The following PCDHGB7 variants were observed in gnomAD, a reference collection of about 807,000 sequenced individuals.
The protein encoded by PCDHGB7 is protocadherin gamma subfamily B, 7.
A neutral mutation model predicts 61.4 loss-of-function variants in PCDHGB7; 37 were observed. The ratio of observed to expected loss-of-function variants is 0.60; its 90% confidence interval spans 0.46 to 0.79. The LOEUF is 0.79. Ranked by LOEUF, PCDHGB7 falls within the 30% of genes least tolerant of loss-of-function variation. The pLI, the probability that PCDHGB7 is intolerant of heterozygous loss-of-function variation, is 0.00. For synonymous variants in PCDHGB7, 464 were observed against 503.5 expected (o/e 0.92, Z 1.05); for missense variants, 1,166 against 1,202.5 (o/e 0.97, Z 0.45).
At chr5:141,424,715 G>A (rs1299933373) in intron 1 of PCDHGB7, 1 of 152,132 alleles carries the variant, frequency 6.6e-6, no homozygotes, top group Admixed American at 6.6e-5. Flanking sequence ...TTTCAGTGTA[G>A]TTGGGAGTCA....
Position 141,477,447 on chromosome 5 carries a change from G to T in PCDHGB7, c.2416-17360G>T, listed in dbSNP as rs779097830. The T allele has an allele frequency of 6.2e-7, 1 of 1,614,098 alleles. No homozygotes were observed. Among genetic ancestry groups the T allele is most frequent in the Non-Finnish European group, 8.5e-7 (1 of 1,180,016 alleles). ...TCCCTCTCAGCCCTTACAATAGTGCGTGTTCAAGTGTCCGACATCAATGAC... is the reference window on the plus strand; with the variant it reads ...TCCCTCTCAGCCCTTACAATAGTGCTTGTTCAAGTGTCCGACATCAATGAC... On this transcript the variant is annotated intron_variant, in intron 1 of 3. Coordinates refer to ENST00000398594, the MANE Select transcript of PCDHGB7 (RefSeq NM_018927.4). This position sits in a 1 kb window ranked among gnomAD's most constrained non-coding sequence, Gnocchi z 4.9.
chr5:141,500,104 T>G (rs917633032), intron 2 of PCDHGB7, among the ~76,000 whole-genome samples: 4 of 152,124 alleles, frequency 2.6e-5, no homozygotes, highest in Non-Finnish European at 4.4e-5. Flanking sequence ...AATTTATTTG[T>G]TGAATCCCTG....
At chr5:141,447,656 C>T (rs1352103605) in intron 1 of PCDHGB7, among the ~76,000 whole-genome samples, 1 of 152,056 alleles carries the variant, frequency 6.6e-6, no homozygotes, top group Non-Finnish European at 1.5e-5. Flanking sequence ...ATTTTCCCCC[C>T]CAGGAAGTTA....
At chr5:141,498,919 C>T (rs897611505) in intron 2 of PCDHGB7, among the ~76,000 whole-genome samples, 34 of 122,310 alleles carry the variant, frequency 2.8e-4, no homozygotes, top group African/African-American at 3.4e-4. Flanking sequence ...GGTGACAGAG[C>T]GAGACTCCAT....
At chr5:141,456,723 G>A (rs1005891499) in intron 1 of PCDHGB7, among the ~76,000 whole-genome samples, 3 of 152,196 alleles carry the variant, frequency 2.0e-5, no homozygotes, top group Admixed American at 6.5e-5. Flanking sequence ...CCAGCACTTT[G>A]GGAGGCTGAG....
Position 141,418,751 on chromosome 5 carries a change from A to G in PCDHGB7, c.892A>G (p.Thr298Ala), listed in dbSNP as rs2096284782. Reference protein sequence around the residue: ...AQHVFSLDYTTGNILTQQPLD... With the variant: ...AQHVFSLDYTAGNILTQQPLD... ...GCACGTGTTCTCTCTGGATTACACT[A>G]CAGGAAACATTCTAACTCAGCAGCC... The change falls in exon 1 of 4, where the codon ACA becomes GCA. Residue 298 changes from threonine to alanine, a missense_variant. Coordinates refer to ENST00000398594, the MANE Select transcript of PCDHGB7 (RefSeq NM_018927.4). The G allele has an allele frequency of 1.2e-6, 2 of 1,613,840 alleles. No homozygotes were observed. The highest frequency in any genetic ancestry group is 2.7e-5 in the African/African-American group (2 of 74,944).
chr5:141,487,818 G>T lies in PCDHGB7; in HGVS notation c.2416-6989G>T, dbSNP rs1009237001. The T allele has an allele frequency of 1.2e-5, 16 of 1,331,602 alleles. No homozygotes were observed. Among genetic ancestry groups the T allele is most frequent in the Non-Finnish European group, 1.4e-5 (14 of 970,528 alleles). The allele number at this position is 1,331,602 out of a possible 1,614,324, so 82.5% of individuals were successfully genotyped here. On this transcript the variant is annotated intron_variant, in intron 1 of 3. Transcript: ENST00000398594. This position sits in a 1 kb window ranked among gnomAD's most constrained non-coding sequence, Gnocchi z 5.0. Reference sequence around the variant, plus strand: ...GAGTTGTCACAGTTTAGCATTGGGGGCGGGTCATGCCTATATCTGAGTAAG... The same window carrying T: ...GAGTTGTCACAGTTTAGCATTGGGGTCGGGTCATGCCTATATCTGAGTAAG...
intron 1 of PCDHGB7, among the ~76,000 whole-genome samples, chr5:141,466,514 T>C (rs1276000407): frequency 6.6e-6 from 1 of 152,226 alleles, no homozygotes; most frequent in Non-Finnish European, 1.5e-5. Context: ...AAGATCATTT[T>C]TTTTCCTCCC....
At chr5:141,467,055 CTT>C (rs1193465269) in intron 1 of PCDHGB7, among the ~76,000 whole-genome samples, 47 of 134,388 alleles carry the variant, frequency 3.5e-4, no homozygotes, top group Admixed American at 6.0e-4. Context: ...TCAATGTTTT[CTT>C]TTTTTTTTTT....
chr5:141,422,800 C>A (rs1470748782), intron 1 of PCDHGB7: 1 of 1,614,094 alleles, frequency 6.2e-7, no homozygotes, highest in Non-Finnish European at 8.5e-7. Flanking sequence ...CGACTATGAG[C>A]AGTTTCGAGA....
At chr5:141,445,254 AAT>A (rs1214840265) in intron 1 of PCDHGB7, among the ~76,000 whole-genome samples, 49 of 152,350 alleles carry the variant, frequency 3.2e-4, no homozygotes, top group Non-Finnish European at 5.9e-5. Context: ...ATTGTGTGAG[AAT>A]ATAAGTCGAA....
chr5:141,419,575 C>T lies in PCDHGB7; in HGVS notation c.1716C>T (p.Ser572=), dbSNP rs2096401495. 1 of 1,611,782 alleles carries T rather than the reference C, an allele frequency of 6.2e-7. No individual in the cohort carries two copies. Residue 572 remains serine, a synonymous_variant, in exon 1 of 4, where the codon TCC becomes TCT. Transcript: ENST00000398594. ...VLYPALGPDG[S]ALFDTVPRAA... ...ACCCTGCGCTGGGTCCCGACGGCTC[C>T]GCGCTCTTCGACACAGTGCCGCGGG...
At chr5:141,468,995 T>G (rs533843461) in intron 1 of PCDHGB7, among the ~76,000 whole-genome samples, 1 of 147,628 alleles carries the variant, frequency 6.8e-6, no homozygotes, top group Non-Finnish European at 1.5e-5. Context: ...TTATTGTTTT[T>G]GCTGGGTGCG....
Position 141,477,678 on chromosome 5 carries a change from C to T in PCDHGB7, c.2416-17129C>T, listed in dbSNP as rs967769574. ...AATCGTGACAATGGCATAGTGTCAT[C>T]CTTAGTGCCCCTAGACTATGAGGAT... On this transcript the variant is annotated intron_variant, in intron 1 of 3. Coordinates refer to ENST00000398594, the MANE Select transcript of PCDHGB7 (RefSeq NM_018927.4). This position sits in a 1 kb window ranked among gnomAD's most constrained non-coding sequence, Gnocchi z 4.9. 9.9e-6 allele frequency: 16 copies of T among 1,614,182 alleles called. No homozygotes were observed. The highest frequency in any genetic ancestry group is 1.1e-5 in the Non-Finnish European group (13 of 1,180,046).
At chr5:141,457,475 G>T (rs1203288452) in intron 1 of PCDHGB7, among the ~76,000 whole-genome samples, 1 of 152,142 alleles carries the variant, frequency 6.6e-6, no homozygotes, top group East Asian at 1.9e-4. Flanking sequence ...AATAAGCAGG[G>T]CCAGGGTTAG....
chr5:141,463,373 GTCTGAAAGTT>G (rs1463437299), intron 1 of PCDHGB7, among the ~76,000 whole-genome samples: 1 of 147,058 alleles, frequency 6.8e-6, no homozygotes, highest in Non-Finnish European at 1.5e-5. Context: ...CTGCCCCACA[GTCTGAAAGTT>G]GTCTCCAGGC....
rs770249472 is a variant in PCDHGB7, at chr5:141,477,747, C to T, written c.2416-17060C>T. On this transcript the variant is annotated intron_variant, in intron 1 of 3. Transcript: ENST00000398594. The surrounding 1 kb of genome is among the most constrained non-coding windows in gnomAD (Gnocchi z 4.9). ...ACAGCTCATATCAGCGATGGGGGCA[C>T]CCCGGTCCTAGCCACCAACATCAGC... 6.2e-7 allele frequency: 1 copy of T among 1,613,840 alleles called. No individual in the cohort carries two copies. The highest frequency in any genetic ancestry group is 1.7e-5 in the Admixed American group (1 of 60,026).
chr5:141,484,549 G>A (rs939394402), intron 1 of PCDHGB7, among the ~76,000 whole-genome samples: 1 of 152,162 alleles, frequency 6.6e-6, no homozygotes, highest in African/African-American at 2.4e-5. Context: ...GTTCTAATTA[G>A]CAGTTGCTCC....
Position 141,486,177 on chromosome 5 carries a change from G to A in PCDHGB7, c.2416-8630G>A. The A allele has an allele frequency of 6.2e-7, 1 of 1,614,222 alleles. No individual in the cohort carries two copies. Among genetic ancestry groups the A allele is most frequent in the Non-Finnish European group, 8.5e-7 (1 of 1,180,042 alleles). ...TCTCCAGCCATGGAGCAACATTGCA[G>A]CCTTCGAGTGGATCTGCTGGACGTA... On this transcript the variant is annotated intron_variant, in intron 1 of 3. Coordinates refer to ENST00000398594, the MANE Select transcript of PCDHGB7 (RefSeq NM_018927.4). The surrounding 1 kb of genome is among the most constrained non-coding windows in gnomAD (Gnocchi z 5.0).
Sources: allele counts gnomAD v4.1 joint callset (sites outside exome capture counted in the v4.1 genomes callset), GRCh38; gene constraint gnomAD v4.1.1; non-coding constraint Gnocchi (gnomAD v3.1); transcripts MANE v1.5; gene names NCBI Gene and HGNC (gene_info 2026-07-23, HGNC 2026-07-21).